Variants in TRPM3 observed in about 807,000 individuals in gnomAD.
The protein encoded by TRPM3 is long transient receptor potential channel 3.
TRPM3 carries 77 observed loss-of-function variants against 181.2 expected under a neutral mutation model. The ratio of observed to expected loss-of-function variants is 0.42; its 90% CI spans 0.35 to 0.51. The LOEUF is 0.51. Ranked by LOEUF, TRPM3 falls within the 20% of genes least tolerant of loss-of-function variation. The pLI is 0.01. For synonymous variants in TRPM3, 745 were observed against 796.4 expected (o/e 0.94, Z 1.09); for missense variants, 1,759 against 2,196.7 (o/e 0.80, Z 3.98).
At chr9:70,568,732 A>ACC (rs1446295652) in intron 22 of TRPM3, among the ~76,000 whole-genome samples, 4 of 152,322 alleles carry the variant, frequency 2.6e-5, no homozygotes, top group African/African-American at 9.6e-5. Flanking sequence ...CTTAACCACT[A>ACC]CCTTGTGCTA....
chr9:71,308,029 A>G (rs1263455413), intron 1 of TRPM3, among the ~76,000 whole-genome samples: 5 of 145,818 alleles, frequency 3.4e-5, no homozygotes, highest in Non-Finnish European at 7.5e-5. Context: ...GGAGTTCAGT[A>G]GCACAATCTT....
intron 1 of TRPM3, among the ~76,000 whole-genome samples, chr9:71,397,767 A>G (rs2093235954): frequency 2.1e-5 from 3 of 141,432 alleles, no homozygotes; most frequent in East Asian, 4.2e-4. Flanking sequence ...ACATCAGAAA[A>G]AGAAAAAGAA....
At chr9:71,084,859 C>T (rs1002739801) in intron 1 of TRPM3, among the ~76,000 whole-genome samples, 1 of 151,972 alleles carries the variant, frequency 6.6e-6, no homozygotes, top group African/African-American at 2.4e-5. Flanking sequence ...AGTGACATCA[C>T]GTTACCCAAC....
chr9:71,345,590 G>T (rs888240466), intron 1 of TRPM3, among the ~76,000 whole-genome samples: 2 of 151,924 alleles, frequency 1.3e-5, no homozygotes, highest in South Asian at 4.2e-4. Context: ...GGCCTGTCGG[G>T]GGGTGGGGGG....
chr9:71,168,205 TTC>T (rs576150906), intron 1 of TRPM3, among the ~76,000 whole-genome samples: 59 of 152,176 alleles, frequency 3.9e-4, no homozygotes, highest in Admixed American at 7.2e-4. Context: ...CACCAGACAC[TTC>T]TGTTTCAAAG....
At chr9:70,790,377 C>T (rs929313827) in intron 6 of TRPM3, among the ~76,000 whole-genome samples, 22 of 152,234 alleles carry the variant, frequency 1.4e-4, no homozygotes, top group African/African-American at 5.3e-4. Flanking sequence ...TTGAACAATT[C>T]AATACTAAGT....
chr9:71,181,262 A>G (rs2077384821), intron 1 of TRPM3, among the ~76,000 whole-genome samples: 1 of 152,088 alleles, frequency 6.6e-6, no homozygotes, highest in Non-Finnish European at 1.5e-5. Flanking sequence ...AGCTCACTAC[A>G]ACTTTGAGCC....
At chr9:70,971,377 T>C (rs1336561050) in intron 1 of TRPM3, among the ~76,000 whole-genome samples, 1 of 152,134 alleles carries the variant, frequency 6.6e-6, no homozygotes, top group Non-Finnish European at 1.5e-5. Flanking sequence ...TTTTAATGCC[T>C]TTCATTTATC....
chr9:71,362,857 A>G (rs2132736858), intron 1 of TRPM3, among the ~76,000 whole-genome samples: 1 of 152,334 alleles, frequency 6.6e-6, no homozygotes, highest in Admixed American at 6.5e-5. Context: ...TGTGAAGATA[A>G]AAAATAATAA....
chr9:70,846,321 A>G (rs1658131934), intron 4 of TRPM3, 57 bp downstream of exon 4: 4 of 1,507,288 alleles, frequency 2.7e-6, no homozygotes, highest in Non-Finnish European at 3.7e-6. Context: ...AGAAAATTAC[A>G]TCAGGCACAA....
At chr9:70,871,672 C>T (rs2095792093) in intron 1 of TRPM3, among the ~76,000 whole-genome samples, 1 of 151,982 alleles carries the variant, frequency 6.6e-6, no homozygotes, top group African/African-American at 2.4e-5. Flanking sequence ...GCCACACTGT[C>T]CATATAGATC....
intron 1 of TRPM3, among the ~76,000 whole-genome samples, chr9:71,408,149 C>A (rs1187375550): frequency 3.3e-5 from 5 of 152,278 alleles, no homozygotes; most frequent in Admixed American, 2.6e-4. Flanking sequence ...TGGGGAGAAA[C>A]CAGAGCAGAA....
At chr9:70,680,525 G>A (rs1292438024) in intron 9 of TRPM3, among the ~76,000 whole-genome samples, 4 of 152,182 alleles carry the variant, frequency 2.6e-5, no homozygotes, top group East Asian at 1.9e-4. Context: ...GTTGCCATGT[G>A]TTAAGGATTG....
rs188859086 is a variant in TRPM3 at position 70,738,729 on chromosome 9, C to T, written c.1272+22872G>A. Among the ~76,000 whole-genome samples, 328 of 152,200 alleles carry T rather than the reference C, an allele frequency of 2.2e-3. 2 individuals carry two copies. The highest frequency in any genetic ancestry group is 7.5e-3 in the African/African-American group (312 of 41,560). ...TGAAAAGATAAACAAAATTGACATA[C>T]TATCAGTGAGATTAACCAAGAACAG... On this transcript the variant is annotated intron_variant, in intron 8 of 25. Transcript: ENST00000677713.
chr9:71,291,676 C>A (rs1196723627), intron 1 of TRPM3, among the ~76,000 whole-genome samples: 1 of 152,018 alleles, frequency 6.6e-6, no homozygotes, highest in East Asian at 1.9e-4. Flanking sequence ...TATGACCCTA[C>A]AAAAGAAAAA....
intron 1 of TRPM3, among the ~76,000 whole-genome samples, chr9:71,162,186 C>A (rs556225369): frequency 1.9e-5 from 2 of 107,054 alleles, no homozygotes; most frequent in East Asian, 5.8e-4. Context: ...GGTGACAGAG[C>A]ATGACTCTGT....
chr9:71,136,962 G>GT (rs1430691775), intron 1 of TRPM3, among the ~76,000 whole-genome samples: 1 of 152,140 alleles, frequency 6.6e-6, no homozygotes, highest in Non-Finnish European at 1.5e-5. Flanking sequence ...AGTCATTGAG[G>GT]TTTTTAAGTG....
chr9:71,162,830 C>T (rs2076345187), intron 1 of TRPM3, among the ~76,000 whole-genome samples: 1 of 151,996 alleles, frequency 6.6e-6, no homozygotes, highest in South Asian at 2.1e-4. Context: ...GTATGGTAAG[C>T]ATTAAGGTAG....
rs76157078 is a variant in TRPM3 at position 70,549,680 on chromosome 9, GAA to G, written c.3575-8_3575-7del. On this transcript the variant is annotated splice_region_variant and splice_polypyrimidine_tract_variant and intron_variant, in intron 24 of 25. Coordinates refer to ENST00000677713, the MANE Select transcript of TRPM3 (RefSeq NM_001366145.2). The stretch of plus-strand genomic sequence containing the variant: ...ATCATCGGTTATGAAGAGTTCTGTG[GAA>G]AAAAAAAAAAAGGAAGTCTTGAGGG... 6.1e-4 allele frequency: 753 copies of G among 1,235,570 alleles called. No individual in the cohort carries two copies. Among genetic ancestry groups the G allele is most frequent in the Admixed American group, 1.7e-3 (66 of 39,672 alleles). The allele number at this position is 1,235,570 out of a possible 1,614,324, so 76.5% of individuals were successfully genotyped here.
Sources: gnomAD v4.1 joint callset for allele counts (sites outside exome capture counted in the v4.1 genomes callset) on GRCh38, gnomAD v4.1.1 for gene constraint, MANE v1.5 for transcripts, NCBI Gene and HGNC (gene_info 2026-07-23, HGNC 2026-07-21) for gene names.